ZNF777: variants seen among roughly 807,000 people sequenced by gnomAD.
ZNF777 encodes the protein zinc finger protein 777.
ZNF777 carries 7 observed loss-of-function variants against 72.1 expected under a neutral mutation model. The observed-to-expected ratio is 0.10, with a 90% CI of 0.06 to 0.18. The LOEUF is 0.18. Ranked by LOEUF, ZNF777 falls within the 10% of genes least tolerant of loss-of-function variation. The probability of loss-of-function intolerance (pLI) is 1.00; values close to 1 mark genes in which losing one functional copy is unlikely to be tolerated. For missense variants in ZNF777, 828 were observed against 1,128.6 expected, an observed-to-expected ratio of 0.73 and a Z score of 3.82; for synonymous variants, 545 against 483.5, an observed-to-expected ratio of 1.13 and a Z score of -1.67.
In ZNF777 at chr7:149,441,271, C is replaced by T. The variant is rs544941874; in HGVS notation, c.1088-4445G>A. 9.2e-5 allele frequency among the ~76,000 whole-genome samples: 14 copies of T among 152,244 alleles called. No individual in the cohort carries two copies. The East Asian group carries it at 2.7e-3, about 29-fold the overall frequency. Reference sequence around the variant, plus strand: ...TTATGAAAAAGGTAACATTTCAATCCAGTGGGGAAGAGTTTAAAAGGAATG... The same window carrying T: ...TTATGAAAAAGGTAACATTTCAATCTAGTGGGGAAGAGTTTAAAAGGAATG... On this transcript the variant is annotated intron_variant, in intron 4 of 5. Coordinates refer to ENST00000247930, the MANE Select transcript of ZNF777 (RefSeq NM_015694.3).
chr7:149,459,427 G>A (rs1263433378), intron 1 of ZNF777, among the ~76,000 whole-genome samples: 1 of 152,218 alleles, frequency 6.6e-6, no homozygotes, highest in Non-Finnish European at 1.5e-5. Flanking sequence ...CAGACGCAGA[G>A]GCCGGAGGCA....
At chr7:149,448,510 T>TATATATATATATATAAAA (rs1351675498) in intron 4 of ZNF777, among the ~76,000 whole-genome samples, 1 of 122,364 alleles carries the variant, frequency 8.2e-6, no homozygotes, top group African/African-American at 3.8e-5. Context: ...TATATATATA[T>TATATATATATATATAAAA]AACTATATAT....
intron 1 of ZNF777, among the ~76,000 whole-genome samples, 190 bp from the exon 2 acceptor site, chr7:149,456,227 C>T (rs1043818702): frequency 3.3e-5 from 5 of 152,054 alleles, no homozygotes; most frequent in African/African-American, 7.2e-5. Flanking sequence ...TATTATGAAC[C>T]GCAAATGAAA....
chr7:149,445,910 T>G (rs1458791738), intron 4 of ZNF777, among the ~76,000 whole-genome samples: 2 of 152,182 alleles, frequency 1.3e-5, no homozygotes, highest in Non-Finnish European at 2.9e-5. Context: ...CCCTAGAGTC[T>G]CTGGTACTAT....
rs962378350 is a variant in ZNF777, at chr7:149,436,947, G to C, written c.1088-121C>G. On this transcript the variant is annotated intron_variant, in intron 4 of 5. Coordinates refer to ENST00000247930, the MANE Select transcript of ZNF777 (RefSeq NM_015694.3). The surrounding 1 kb of genome is among the most constrained non-coding windows in gnomAD (Gnocchi z 5.0). ...TAAGTCTTATCTTAGAGACCCTGAA[G>C]AAATGTAATATTGAGTTGGAAATGA... The C allele has an allele frequency of 5.5e-6, 7 of 1,265,796 alleles. No homozygotes were observed. The African/African-American group carries it at 1.0e-4, about 19-fold the overall frequency. The allele number at this position is 1,265,796 out of a possible 1,614,324, so 78.4% of individuals were successfully genotyped here.
chr7:149,456,013 G>T lies in ZNF777; in HGVS notation c.10C>A (p.Gln4Lys). MEN[Q>K]RSSPLSFPSV... is the part of the protein sequence containing the mutation. ...GGGAACGACAGAGGTGATGAGCGTTGGTTCTCCATGTCCAGCTGCTGAACC... is the reference window on the plus strand; with the variant it reads ...GGGAACGACAGAGGTGATGAGCGTTTGTTCTCCATGTCCAGCTGCTGAACC... Residue 4 changes from glutamine to lysine, a missense_variant, in exon 2 of 6, where the codon CAA becomes AAA. Physicochemically the swap from Gln to Lys is moderately conservative, Grantham distance 53. Around this residue, in one of 12 missense-constraint regions of ZNF777, gnomAD observed 222 missense variants for 211.2 expected, o/e 1.05. Coordinates refer to ENST00000247930, the MANE Select transcript of ZNF777 (RefSeq NM_015694.3). 1 of 1,576,540 alleles carries T rather than the reference G, an allele frequency of 6.3e-7. No homozygotes were observed. Among genetic ancestry groups the T allele is most frequent in the Non-Finnish European group, 8.6e-7 (1 of 1,159,702 alleles).
chr7:149,443,818 C>T lies in ZNF777; in HGVS notation c.1088-6992G>A, dbSNP rs569434516. Among the ~76,000 whole-genome samples the T allele has an allele frequency of 6.0e-4, 92 of 152,296 alleles. No homozygotes were observed. In the South Asian group the frequency reaches 0.019, roughly 31 times the overall value. ...ATGTTGCCCAGGCTAATCTCAAACT[C>T]CTGACCTCAAGTGATCCACCTGCCT... On this transcript the variant is annotated intron_variant, in intron 4 of 5. Coordinates refer to ENST00000247930, the MANE Select transcript of ZNF777 (RefSeq NM_015694.3).
In ZNF777 at chr7:149,438,950, G is replaced by C. The variant is rs149129637; in HGVS notation, c.1088-2124C>G. Among the ~76,000 whole-genome samples, 81 of 152,184 alleles carry C rather than the reference G, an allele frequency of 5.3e-4. 1 individual carries two copies. The highest frequency in any genetic ancestry group is 3.4e-3 in the Middle Eastern group (1 of 294). ...TAAATGAAGACCTTTGATTCCCTCA[G>C]AACTGTGGAACTCTCCCACTCTCTC... On this transcript the variant is annotated intron_variant, in intron 4 of 5. Coordinates refer to ENST00000247930, the MANE Select transcript of ZNF777 (RefSeq NM_015694.3).
chr7:149,455,852 G>C lies in ZNF777; in HGVS notation c.171C>G (p.Pro57=), dbSNP rs763166084. The C allele has an allele frequency of 3.1e-6, 5 of 1,613,998 alleles. No homozygotes were observed. The Admixed American group carries it at 8.3e-5, about 27-fold the overall frequency. ...SPTIPRQGSL[P]QTSSAPKQET... is the part of the protein sequence containing the mutation. ...CTTGCTTGGGAGCACTGGAAGTTTG[G>C]GGCAGGGAGCCTTGACGGGGAATGG... Residue 57 remains proline (P), a synonymous_variant, in exon 2 of 6, where the codon CCC becomes CCG. Coordinates refer to ENST00000247930, the MANE Select transcript of ZNF777 (RefSeq NM_015694.3). This position sits in a 1 kb window ranked among gnomAD's most constrained non-coding sequence, Gnocchi z 4.2.
intron 4 of ZNF777, among the ~76,000 whole-genome samples, chr7:149,441,985 T>C (rs1799525514): frequency 6.6e-6 from 1 of 150,806 alleles, no homozygotes; most frequent in Non-Finnish European, 1.5e-5. Flanking sequence ...GCGGGTAACG[T>C]CAGGACAAAC....
chr7:149,452,242 G>A (rs1799733799), intron 3 of ZNF777, among the ~76,000 whole-genome samples: 1 of 149,636 alleles, frequency 6.7e-6, no homozygotes, highest in Non-Finnish European at 1.5e-5. Flanking sequence ...TCTAGCCTGG[G>A]CAACAGAGCG....
chr7:149,456,007 A>G lies in ZNF777; in HGVS notation c.16T>C (p.Ser6Pro), dbSNP rs1768966471. 1 of 1,589,086 alleles carries G rather than the reference A, an allele frequency of 6.3e-7. No individual in the cohort carries two copies. The highest frequency in any genetic ancestry group is 1.1e-5 in the South Asian group (1 of 88,560). Residue 6 changes from serine to proline, a missense_variant, in exon 2 of 6, where the codon TCA becomes CCA. Ser to Pro is a moderately conservative substitution (Grantham distance 74). Coordinates refer to ENST00000247930, the MANE Select transcript of ZNF777 (RefSeq NM_015694.3). MENQR[S>P]SPLSFPSVPQ... The stretch of plus-strand genomic sequence containing the variant: ...ACACTGGGGAACGACAGAGGTGATG[A>G]GCGTTGGTTCTCCATGTCCAGCTGC...
At chr7:149,435,562 T>C in intron 5 of ZNF777, among the ~76,000 whole-genome samples, 1 of 152,194 alleles carries the variant, frequency 6.6e-6, no homozygotes, top group East Asian at 1.9e-4. Context: ...AGAGGAATTA[T>C]CTACAGATAA....
chr7:149,451,570 T>C (rs1189004364), intron 3 of ZNF777, among the ~76,000 whole-genome samples: 1 of 152,048 alleles, frequency 6.6e-6, no homozygotes, highest in Admixed American at 6.6e-5. Context: ...CGGATGCCTG[T>C]AATCCCAGCT....
chr7:149,452,650 GTAAA>G (rs1179606306), intron 3 of ZNF777, among the ~76,000 whole-genome samples: 8 of 144,996 alleles, frequency 5.5e-5, no homozygotes, highest in African/African-American at 8.0e-5. Flanking sequence ...AAAAAAAAAA[GTAAA>G]TAAATAAATA....
Position 149,435,061 on chromosome 7 carries a change from C to G in ZNF777, c.1339+1514G>C, listed in dbSNP as rs146857824. 4.4e-3 allele frequency among the ~76,000 whole-genome samples: 670 copies of G among 152,292 alleles called. 3 individuals carry two copies. The highest frequency in any genetic ancestry group is 0.015 in the African/African-American group (636 of 41,544). Reference sequence around the variant, plus strand: ...GATGATGGTCCCAATTTAGCATATACTCAGAATTTACCTTATGTCTTTTCA... The same window carrying G: ...GATGATGGTCCCAATTTAGCATATAGTCAGAATTTACCTTATGTCTTTTCA... On this transcript the variant is annotated intron_variant, in intron 5 of 5. Coordinates refer to ENST00000247930, the MANE Select transcript of ZNF777 (RefSeq NM_015694.3).
Position 149,455,429 on chromosome 7 carries a change from C to T in ZNF777, c.594G>A (p.Lys198=), listed in dbSNP as rs1399312881. The change falls in exon 2 of 6, where the codon AAG becomes AAA. Residue 198 remains lysine (K), a synonymous_variant. Transcript: ENST00000247930. The surrounding 1 kb of genome is among the most constrained non-coding windows in gnomAD (Gnocchi z 4.2). ...GTAGCCTCATGGCCTGGGCCTCCAG[C>T]TTCCTCTCCACTGCTTGGACGGCAG... ...VWAAVQAVER[K]LEAQAMRLLT... 6.2e-7 allele frequency: 1 copy of T among 1,614,242 alleles called. No homozygotes were observed. The highest frequency in any genetic ancestry group is 1.1e-5 in the South Asian group (1 of 91,086).
intron 4 of ZNF777, among the ~76,000 whole-genome samples, chr7:149,442,818 C>T (rs1799546511): frequency 6.6e-6 from 1 of 152,132 alleles, no homozygotes; most frequent in East Asian, 1.9e-4. Flanking sequence ...AAAATATGCT[C>T]AACATCACCC....
At chr7:149,459,343 A>G (rs956021044) in intron 1 of ZNF777, among the ~76,000 whole-genome samples, 3 of 152,162 alleles carry the variant, frequency 2.0e-5, no homozygotes, top group Non-Finnish European at 4.4e-5. Flanking sequence ...GAGGAACATC[A>G]GCCCCCAACC....
Sources: gnomAD v4.1 joint callset for allele counts (sites outside exome capture counted in the v4.1 genomes callset) on GRCh38, gnomAD v4.1.1 for gene constraint, gnomAD v4.1.1 regional missense constraint, Gnocchi (gnomAD v3.1) non-coding constraint, MANE v1.5 for transcripts, NCBI Gene and HGNC (gene_info 2026-07-23, HGNC 2026-07-21) for gene names.